Variants in GAS2 observed in about 807,000 individuals in gnomAD.
The protein encoded by GAS2 is growth arrest specific 2.
A neutral mutation model predicts 37.5 loss-of-function variants in GAS2; 20 were observed. The observed-to-expected ratio is 0.53, with a 90% CI of 0.37 to 0.77. GAS2 has a LOEUF of 0.77. GAS2 is among the 30% of genes least tolerant of loss of function. The probability of loss-of-function intolerance (pLI) is 0.00; values close to 1 mark genes in which losing one functional copy is unlikely to be tolerated. For synonymous variants in GAS2, 144 were observed against 132.2 expected, an observed-to-expected ratio of 1.09 and a Z score of -0.61; for missense variants, 336 against 373.4, an observed-to-expected ratio of 0.90 and a Z score of 0.82.
chr11:22,689,596 T>C (rs942529920), intron 3 of GAS2, among the ~76,000 whole-genome samples: 3 of 152,214 alleles, frequency 2.0e-5, no homozygotes, highest in African/African-American at 7.2e-5. Context: ...ATACTTCTGT[T>C]AAACTCAAGA....
chr11:22,801,763 C>G (rs1170218806), intron 7 of GAS2, among the ~76,000 whole-genome samples: 1 of 152,068 alleles, frequency 6.6e-6, no homozygotes, highest in African/African-American at 2.4e-5. Context: ...TTGCCAGTGA[C>G]CTCGATGTTT....
chr11:22,653,423 A>C (rs191769065), intron 1 of GAS2, among the ~76,000 whole-genome samples: 154 of 152,316 alleles, frequency 1.0e-3, no homozygotes, highest in Admixed American at 3.1e-3. Context: ...TTCTATGTAC[A>C]GTTAACATTA....
intron 3 of GAS2, among the ~76,000 whole-genome samples, chr11:22,720,322 C>A (rs962115081): frequency 1.3e-5 from 2 of 151,928 alleles, no homozygotes; most frequent in Admixed American, 6.6e-5. Flanking sequence ...GTTCAACTGT[C>A]CTAAATCATA....
At chr11:22,720,293 T>A (rs867268895) in intron 3 of GAS2, among the ~76,000 whole-genome samples, 6 of 152,000 alleles carry the variant, frequency 3.9e-5, no homozygotes, top group African/African-American at 1.4e-4. Context: ...AGGGTCAATT[T>A]TGGATTCAAG....
intron 1 of GAS2, 176 bp downstream of exon 1, chr11:22,667,075 A>C (rs1017278970): frequency 2.0e-5 from 3 of 152,286 alleles, no homozygotes; most frequent in Non-Finnish European, 4.4e-5. Flanking sequence ...AGCCGCGGAC[A>C]GTTGGACAGG....
chr11:22,682,679 A>T (rs1386624998), intron 2 of GAS2, among the ~76,000 whole-genome samples: 3 of 151,898 alleles, frequency 2.0e-5, no homozygotes, highest in African/African-American at 4.8e-5. Flanking sequence ...ACAGATCGAG[A>T]CCATCCAGGC....
intron 3 of GAS2, among the ~76,000 whole-genome samples, chr11:22,712,119 C>A (rs556195508): frequency 6.6e-6 from 1 of 152,194 alleles, no homozygotes; most frequent in African/African-American, 2.4e-5. Flanking sequence ...CAACTCATAA[C>A]AGAACAACCC....
chr11:22,753,892 C>A (rs1167250743), intron 6 of GAS2, among the ~76,000 whole-genome samples: 3 of 152,016 alleles, frequency 2.0e-5, no homozygotes, highest in Admixed American at 2.0e-4. Flanking sequence ...GTCCTGTGAC[C>A]CTACCCTCAG....
rs569076892 is a variant in GAS2, at chr11:22,765,406, T to C, written c.723+9453T>C. Among the ~76,000 whole-genome samples, 3 of 152,336 alleles carry C rather than the reference T, an allele frequency of 2.0e-5. No homozygotes were observed. In the South Asian group the frequency reaches 6.2e-4, roughly 32 times the overall value. On this transcript the variant is annotated intron_variant, in intron 7 of 7. Transcript: ENST00000454584. ...AAATTGAAATCCCAAGTCAAAAATT[T>C]TGTGGAAAAATACACCTTTTTATCC...
chr11:22,797,933 TAAAGA>T (rs1463611091), intron 7 of GAS2, among the ~76,000 whole-genome samples: 1 of 152,064 alleles, frequency 6.6e-6, no homozygotes, highest in Non-Finnish European at 1.5e-5. Flanking sequence ...TATGTATCCC[TAAAGA>T]AAAGAGGTGT....
At chr11:22,658,069 A>G (rs1465767422) in intron 1 of GAS2, among the ~76,000 whole-genome samples, 7 of 149,464 alleles carry the variant, frequency 4.7e-5, no homozygotes. Context: ...TCTGTCACCC[A>G]GCCTGGAGTG....
At chr11:22,634,330 A>T (rs2133808414) in intron 1 of GAS2, among the ~76,000 whole-genome samples, 1 of 152,240 alleles carries the variant, frequency 6.6e-6, no homozygotes, top group East Asian at 1.9e-4. Context: ...GAATTATGGG[A>T]GCTACAATTC....
chr11:22,789,212 A>G (rs1377187574), intron 7 of GAS2, among the ~76,000 whole-genome samples: 1 of 147,306 alleles, frequency 6.8e-6, no homozygotes, highest in Non-Finnish European at 1.5e-5. Flanking sequence ...TTGGGAATCA[A>G]TTGCTAGTCA....
intron 3 of GAS2, chr11:22,702,409 A>C (rs1490613861): frequency 6.6e-6 from 1 of 152,150 alleles, no homozygotes; most frequent in Non-Finnish European, 1.5e-5. Flanking sequence ...AAATTGAACA[A>C]AATTACTTTA....
At chr11:22,805,831 C>T (rs955726802) in intron 7 of GAS2, among the ~76,000 whole-genome samples, 2 of 152,080 alleles carry the variant, frequency 1.3e-5, no homozygotes, top group Admixed American at 1.3e-4. Flanking sequence ...CATGCCTCTC[C>T]CTTTTGGACC....
At chr11:22,801,879 C>T (rs1856678985) in intron 7 of GAS2, among the ~76,000 whole-genome samples, 1 of 152,062 alleles carries the variant, frequency 6.6e-6, no homozygotes, top group Non-Finnish European at 1.5e-5. Context: ...AACACTTTCC[C>T]TCTTACTGTC....
chr11:22,774,355 TA>T (rs2134446188), intron 7 of GAS2, among the ~76,000 whole-genome samples: 1 of 152,358 alleles, frequency 6.6e-6, no homozygotes, highest in South Asian at 2.1e-4. Flanking sequence ...AGTATTTCTC[TA>T]AAATAACCCA....
intron 6 of GAS2, among the ~76,000 whole-genome samples, chr11:22,750,263 C>T (rs1853654776): frequency 2.0e-5 from 3 of 152,010 alleles, no homozygotes; most frequent in Admixed American, 2.0e-4. Flanking sequence ...TTTCTTCCTC[C>T]AGGATATGAG....
chr11:22,799,801 T>A (rs1856580662), intron 7 of GAS2, among the ~76,000 whole-genome samples: 1 of 152,112 alleles, frequency 6.6e-6, no homozygotes, highest in Non-Finnish European at 1.5e-5. Context: ...TCGTTTAACA[T>A]GCATTTATTC....
Sources: gnomAD v4.1 joint callset for allele counts (sites outside exome capture counted in the v4.1 genomes callset) on GRCh38, gnomAD v4.1.1 for gene constraint, MANE v1.5 for transcripts, NCBI Gene and HGNC (gene_info 2026-07-23, HGNC 2026-07-21) for gene names.